NCOA7: variants seen among roughly 807,000 people sequenced by gnomAD.
The protein encoded by NCOA7 is nuclear receptor coactivator 7.
In NCOA7, 45 loss-of-function variants were observed where a neutral mutation model predicts 104.3. The ratio of observed to expected loss-of-function variants is 0.43; its 90% CI spans 0.34 to 0.55. The LOEUF (loss-of-function observed/expected upper bound fraction) is 0.55. Among genes scored for constraint, NCOA7 ranks in the 20% least tolerant of loss-of-function variants. NCOA7 has a pLI of 0.02. For missense variants in NCOA7, 1,041 were observed against 1,119.7 expected (o/e 0.93, Z 1.00); for synonymous variants, 398 against 402.3 (o/e 0.99, Z 0.13).
intron 1 of NCOA7, among the ~76,000 whole-genome samples, chr6:125,798,321 G>T (rs1775535931): frequency 6.6e-6 from 1 of 152,218 alleles, no homozygotes; most frequent in African/African-American, 2.4e-5. Flanking sequence ...GTGCAGTTAG[G>T]AAGTTATTTT....
At chr6:125,850,301 C>A (rs1270852770) in intron 2 of NCOA7, among the ~76,000 whole-genome samples, 2 of 152,188 alleles carry the variant, frequency 1.3e-5, no homozygotes, top group Non-Finnish European at 2.9e-5. Flanking sequence ...AACAAAGTCT[C>A]ATGAGTACTT....
At chr6:125,783,263 CT>C (rs1451386872) in intron 1 of NCOA7, among the ~76,000 whole-genome samples, 1 of 152,142 alleles carries the variant, frequency 6.6e-6, no homozygotes, top group Non-Finnish European at 1.5e-5. Context: ...ATAAAGCTAC[CT>C]TTTATAACTG....
chr6:125,787,027 G>T (rs1476046635), upstream of NCOA7, among the ~76,000 whole-genome samples: 1 of 151,644 alleles, frequency 6.6e-6, no homozygotes, highest in African/African-American at 2.4e-5. Context: ...CATGACTGTA[G>T]TCCCAGCTAC....
intron 10 of NCOA7, among the ~76,000 whole-genome samples, chr6:125,905,460 C>T (rs1785911474): frequency 1.3e-5 from 2 of 152,064 alleles, no homozygotes; most frequent in African/African-American, 4.8e-5. Context: ...TGGGGTTTCA[C>T]CATGTTGGCC....
intron 2 of NCOA7, among the ~76,000 whole-genome samples, chr6:125,851,634 C>G (rs978121961): frequency 6.6e-6 from 1 of 152,136 alleles, no homozygotes; most frequent in Admixed American, 6.5e-5. Context: ...ATTGCTGGAT[C>G]GAATGGTAGA....
chr6:125,872,691 T>G (rs967691207), intron 3 of NCOA7, among the ~76,000 whole-genome samples: 1 of 152,238 alleles, frequency 6.6e-6, no homozygotes, highest in Non-Finnish European at 1.5e-5. Context: ...ACGAGTATTG[T>G]TAATGTTTTA....
rs1235048293 is a variant in NCOA7 at position 125,921,012 on chromosome 6, G to A, written c.2314G>A (p.Val772Met). 10 of 1,613,798 alleles carry A rather than the reference G, an allele frequency of 6.2e-6. No individual in the cohort carries two copies. The highest frequency in any genetic ancestry group is 8.5e-6 in the Non-Finnish European group (10 of 1,179,888). The change falls in exon 12 of 16, where the codon GTG (valine) becomes ATG (methionine). Residue 772 changes from valine to methionine, a missense_variant. Coordinates refer to ENST00000392477, the MANE Select transcript of NCOA7 (RefSeq NM_181782.5). ...CTACTATGAAGACGAGGACGAAGAG[G>A]TGCTGCCTGTCCTACGGCCCCACAG... ...CSYYEDEDEE[V>M]LPVLRPHSAL...
At chr6:125,804,567 T>G (rs1436153703) in intron 1 of NCOA7, among the ~76,000 whole-genome samples, 2 of 152,210 alleles carry the variant, frequency 1.3e-5, no homozygotes, top group Non-Finnish European at 2.9e-5. Flanking sequence ...TGTATGACAA[T>G]GCAGATTTGG....
chr6:125,786,431 A>G (rs1309350464), upstream of NCOA7, among the ~76,000 whole-genome samples: 1 of 152,236 alleles, frequency 6.6e-6, no homozygotes, highest in Non-Finnish European at 1.5e-5. Flanking sequence ...CAAAACTTAC[A>G]AATTTTGTTA....
At chr6:125,850,515 G>A (rs1278386579) in intron 2 of NCOA7, among the ~76,000 whole-genome samples, 1 of 152,126 alleles carries the variant, frequency 6.6e-6, no homozygotes, top group African/African-American at 2.4e-5. Flanking sequence ...ATTTCCATGA[G>A]TGAAAATGAG....
chr6:125,862,446 A>G (rs1562933912), intron 3 of NCOA7, among the ~76,000 whole-genome samples: 2 of 138,414 alleles, frequency 1.4e-5, no homozygotes, highest in African/African-American at 3.0e-5. Flanking sequence ...CTGTTTTTCA[A>G]GGTCAAAGAC....
chr6:125,814,383 C>G (rs997554580), intron 1 of NCOA7, among the ~76,000 whole-genome samples: 1 of 152,078 alleles, frequency 6.6e-6, no homozygotes, highest in Non-Finnish European at 1.5e-5. Context: ...CTCAAACTAC[C>G]AATCTCAAGT....
chr6:125,876,075 T>G (rs1045441139), intron 4 of NCOA7, among the ~76,000 whole-genome samples: 4 of 152,204 alleles, frequency 2.6e-5, no homozygotes, highest in Non-Finnish European at 4.4e-5. Flanking sequence ...AAGAAGAAAT[T>G]AAGTACTATT....
intron 1 of NCOA7, among the ~76,000 whole-genome samples, chr6:125,813,891 A>T (rs975547575): frequency 2.0e-5 from 3 of 148,254 alleles, no homozygotes; most frequent in Non-Finnish European, 4.5e-5. Context: ...GAAAATATAC[A>T]TTAGAAAATG....
chr6:125,841,464 A>G (rs914056594), intron 2 of NCOA7, among the ~76,000 whole-genome samples: 1 of 152,100 alleles, frequency 6.6e-6, no homozygotes, highest in Non-Finnish European at 1.5e-5. Context: ...ATTTTTTGTT[A>G]TACCACAACC....
In NCOA7 at chr6:125,889,907, G is replaced by C. The variant is rs767357312; in HGVS notation, c.1853G>C (p.Cys618Ser). 1.2e-6 allele frequency: 2 copies of C among 1,600,012 alleles called. No individual in the cohort carries two copies. The highest frequency in any genetic ancestry group is 3.6e-5 in the Admixed American group (2 of 56,174). The change falls in exon 9 of 16, where the codon TGT (cysteine) becomes TCT (serine). Residue 618 changes from cysteine to serine, a missense_variant. Cys to Ser is a moderately radical substitution (Grantham distance 112). Coordinates refer to ENST00000392477, the MANE Select transcript of NCOA7 (RefSeq NM_181782.5). ...SSLESTLDNS[C>S]QGAQMDNKSE... ...TTGGAATCTACTCTGGACAACAGCT[G>C]TCAAGGTGCACAAATGGATAATAAA...
intron 5 of NCOA7, among the ~76,000 whole-genome samples, chr6:125,878,933 G>A (rs1783601302): frequency 2.0e-5 from 3 of 152,150 alleles, no homozygotes; most frequent in African/African-American, 7.2e-5. Flanking sequence ...TTACAGTGCA[G>A]TCAACTGTTT....
intron 2 of NCOA7, among the ~76,000 whole-genome samples, chr6:125,850,664 A>C (rs1314715466): frequency 1.3e-5 from 2 of 152,240 alleles, no homozygotes; most frequent in Non-Finnish European, 2.9e-5. Flanking sequence ...AAAGATTAAG[A>C]AGCAGCATAT....
At chr6:125,894,057 G>C (rs549854681) in intron 10 of NCOA7, among the ~76,000 whole-genome samples, 19 of 152,012 alleles carry the variant, frequency 1.2e-4, no homozygotes, top group African/African-American at 4.6e-4. Context: ...TTTCACTCTT[G>C]GTGCTAGTTT....
Sources: gnomAD v4.1 joint callset for allele counts (sites outside exome capture counted in the v4.1 genomes callset) on GRCh38, gnomAD v4.1.1 for gene constraint, MANE v1.5 for transcripts, NCBI Gene and HGNC (gene_info 2026-07-23, HGNC 2026-07-21) for gene names.